CEP112: variants seen among roughly 807,000 people sequenced by gnomAD.
CEP112 encodes the protein centrosomal protein of 112 kDa.
In CEP112, 127 loss-of-function variants were observed where a neutral mutation model predicts 153.0. The ratio of observed to expected loss-of-function variants is 0.83; its 90% confidence interval spans 0.72 to 0.96. CEP112 has a LOEUF of 0.96. Ranked by LOEUF, CEP112 falls within the 40% of genes least tolerant of loss-of-function variation. The pLI is 0.00. For missense variants in CEP112, 1,089 were observed against 1,101.2 expected, an observed-to-expected ratio of 0.99 and a Z score of 0.16; for synonymous variants, 358 against 374.4, an observed-to-expected ratio of 0.96 and a Z score of 0.51.
chr17:65,871,375 G>T (rs1464314810), intron 20 of CEP112, among the ~76,000 whole-genome samples: 1 of 152,072 alleles, frequency 6.6e-6, no homozygotes, highest in Non-Finnish European at 1.5e-5. Context: ...ACTGTGCTGT[G>T]GCTCACGCCC....
At chr17:65,672,881 T>G (rs1037715214) in intron 24 of CEP112, among the ~76,000 whole-genome samples, 14 of 152,204 alleles carry the variant, frequency 9.2e-5, no homozygotes, top group African/African-American at 3.4e-4. Context: ...AGTCAATACA[T>G]GGTATTAGTA....
chr17:65,641,673 G>A (rs2045141019), intron 24 of CEP112, among the ~76,000 whole-genome samples: 1 of 152,108 alleles, frequency 6.6e-6, no homozygotes, highest in African/African-American at 2.4e-5. Flanking sequence ...TTGAGCCCAG[G>A]AGATCAAGGC....
intron 23 of CEP112, among the ~76,000 whole-genome samples, chr17:65,729,790 T>C (rs997728075): frequency 6.6e-6 from 1 of 152,080 alleles, no homozygotes; most frequent in South Asian, 2.1e-4. Context: ...ACATCTGTAA[T>C]CCCAGCTACT....
intron 20 of CEP112, among the ~76,000 whole-genome samples, chr17:65,899,949 G>C (rs2143484955): frequency 6.6e-6 from 1 of 152,164 alleles, no homozygotes; most frequent in African/African-American, 2.4e-5. Context: ...TGCCTACTTT[G>C]TTTCCTTGAA....
chr17:65,723,131 T>C (rs559749352), intron 23 of CEP112, among the ~76,000 whole-genome samples: 1 of 152,334 alleles, frequency 6.6e-6, no homozygotes, highest in South Asian at 2.1e-4. Context: ...GACACACTTG[T>C]TTTATATTCA....
intron 21 of CEP112, chr17:65,750,999 CA>C (rs2051813776): frequency 6.1e-6 from 2 of 326,864 alleles, no homozygotes; most frequent in Non-Finnish European, 1.1e-5. Flanking sequence ...ATAGACACAG[CA>C]AAAGTATGAA....
rs553012336 is a variant in CEP112, at chr17:66,015,515, T to A, written c.1657-9746A>T. 6.8e-4 allele frequency among the ~76,000 whole-genome samples: 103 copies of A among 152,306 alleles called. 3 individuals are homozygous for A. The South Asian group carries it at 0.021, about 31-fold the overall frequency. On this transcript the variant is annotated intron_variant, in intron 16 of 26. Coordinates refer to ENST00000535342, the MANE Select transcript of CEP112 (RefSeq NM_001199165.4). The stretch of plus-strand genomic sequence containing the variant: ...AGGCTTTGCACATTCAAAAATGTCA[T>A]TCTGTTGCCTTTACACATGAAGGAA...
At chr17:66,031,970 A>G (rs911935621) in intron 12 of CEP112, among the ~76,000 whole-genome samples, 2 of 152,150 alleles carry the variant, frequency 1.3e-5, no homozygotes, top group Admixed American at 1.3e-4. Context: ...CAACACACAG[A>G]GAAGTGGGCA....
chr17:66,128,329 A>C (rs944011203), intron 6 of CEP112, among the ~76,000 whole-genome samples: 4 of 150,330 alleles, frequency 2.7e-5, no homozygotes, highest in Non-Finnish European at 4.4e-5. Context: ...AAAAGACAGA[A>C]AGAAAAAGTA....
At chr17:65,871,829 T>C (rs1429013933) in intron 20 of CEP112, among the ~76,000 whole-genome samples, 1 of 152,176 alleles carries the variant, frequency 6.6e-6, no homozygotes, top group African/African-American at 2.4e-5. Flanking sequence ...TCAGATGACC[T>C]TGCATTATGT....
chr17:66,181,473 G>A (rs146707276), intron 2 of CEP112, among the ~76,000 whole-genome samples: 2,550 of 152,118 alleles, frequency 0.017, 71 homozygotes, highest in African/African-American at 0.058. Context: ...AGCCTCCCAA[G>A]TAGCTGGGAC....
intron 18 of CEP112, among the ~76,000 whole-genome samples, chr17:65,939,295 A>G (rs2061440213): frequency 6.6e-6 from 1 of 152,240 alleles, no homozygotes; most frequent in Non-Finnish European, 1.5e-5. Flanking sequence ...TAATAGTGTT[A>G]AAATGCCCAT....
At chr17:66,018,772 T>C (rs2064876323) in intron 16 of CEP112, among the ~76,000 whole-genome samples, 1 of 152,224 alleles carries the variant, frequency 6.6e-6, no homozygotes, top group African/African-American at 2.4e-5. Flanking sequence ...GTATCTCATT[T>C]GTTAAACAGT....
At chr17:65,676,749 A>C (rs2047254428) in intron 24 of CEP112, among the ~76,000 whole-genome samples, 1 of 152,234 alleles carries the variant, frequency 6.6e-6, no homozygotes, top group African/African-American at 2.4e-5. Context: ...CTGATATACC[A>C]TCTCATTTAC....
At chr17:65,878,862 T>C (rs1002295277) in intron 20 of CEP112, among the ~76,000 whole-genome samples, 1 of 150,936 alleles carries the variant, frequency 6.6e-6, no homozygotes, top group Non-Finnish European at 1.5e-5. Context: ...ATGAACAATC[T>C]GGGAAAACCC....
intron 16 of CEP112, among the ~76,000 whole-genome samples, chr17:66,007,704 G>A (rs2064333375): frequency 6.6e-6 from 1 of 152,074 alleles, no homozygotes; most frequent in African/African-American, 2.4e-5. Context: ...AAAACACACA[G>A]AGAAAAGTCA....
chr17:65,916,287 G>GTGTGTGTGTGTGTGTATGTGTA (rs138734881), intron 19 of CEP112, among the ~76,000 whole-genome samples: 6 of 147,494 alleles, frequency 4.1e-5, no homozygotes, highest in Non-Finnish European at 7.5e-5. Flanking sequence ...GTGTGTGTGT[G>GTGTGTGTGTGTGTGTATGTGTA]TGTGTATGTG....
intron 19 of CEP112, among the ~76,000 whole-genome samples, chr17:65,911,974 A>G (rs1358266674): frequency 6.6e-6 from 1 of 152,132 alleles, no homozygotes; most frequent in Non-Finnish European, 1.5e-5. Flanking sequence ...TTCGGGGGGA[A>G]TATTTACTTC....
intron 12 of CEP112, among the ~76,000 whole-genome samples, chr17:66,043,950 T>C (rs934293378): frequency 6.6e-6 from 1 of 152,182 alleles, no homozygotes; most frequent in Non-Finnish European, 1.5e-5. Flanking sequence ...CCTTGTTTAA[T>C]TATTAAATCA....
Sources: allele counts gnomAD v4.1 joint callset (sites outside exome capture counted in the v4.1 genomes callset), GRCh38; gene constraint gnomAD v4.1.1; transcripts MANE v1.5; gene names NCBI Gene and HGNC (gene_info 2026-07-23, HGNC 2026-07-21).